Variants in SV2C observed in about 807,000 individuals in gnomAD.
SV2C encodes the protein synaptic vesicle glycoprotein 2C.
Under a neutral mutation model 79.7 loss-of-function variants are expected in SV2C, and 49 were observed. That is an observed-to-expected ratio of 0.61 (90% CI 0.49 to 0.78). The LOEUF (loss-of-function observed/expected upper bound fraction) is 0.78. Among genes scored for constraint, SV2C ranks in the 30% least tolerant of loss-of-function variants. The pLI is 0.00. For missense variants in SV2C, 833 were observed against 912.9 expected (o/e 0.91, Z 1.13); for synonymous variants, 334 against 333.2 (o/e 1.00, Z -0.03).
chr5:75,922,728 G>C, the SV2C span, among the ~76,000 whole-genome samples: 2 of 152,312 alleles, frequency 1.3e-5, no homozygotes, highest in South Asian at 2.1e-4. Flanking sequence ...AGATCACTCA[G>C]AGTGACACTT....
At chr5:76,048,991 G>GA in the SV2C span, among the ~76,000 whole-genome samples, 17 of 80,578 alleles carry the variant, frequency 2.1e-4, no homozygotes, top group African/African-American at 7.4e-4. Flanking sequence ...AAGAAAGAAA[G>GA]AAAGAAAGAA....
At chr5:75,932,205 G>T in the SV2C span, among the ~76,000 whole-genome samples, 1 of 152,154 alleles carries the variant, frequency 6.6e-6, no homozygotes, top group Non-Finnish European at 1.5e-5. Context: ...TCTTCCCGGG[G>T]AGCCCTACAT....
At chr5:76,271,898 C>A (rs929210191) in intron 4 of SV2C, among the ~76,000 whole-genome samples, 1 of 152,224 alleles carries the variant, frequency 6.6e-6, no homozygotes, top group South Asian at 2.1e-4. Context: ...AGTATGATGT[C>A]CCCTTGCTTG....
At chr5:76,023,019 T>C in the SV2C span, among the ~76,000 whole-genome samples, 3 of 152,214 alleles carry the variant, frequency 2.0e-5, no homozygotes, top group Admixed American at 6.5e-5. Flanking sequence ...TCTGCCCCTG[T>C]AGATGTATAT....
At chr5:75,997,290 AT>A in the SV2C span, among the ~76,000 whole-genome samples, 24 of 152,234 alleles carry the variant, frequency 1.6e-4, no homozygotes, top group East Asian at 4.6e-3. Flanking sequence ...CAAGGACTTC[AT>A]GTCTACAACA....
the SV2C span, among the ~76,000 whole-genome samples, chr5:76,060,824 ATG>A: frequency 1.3e-5 from 2 of 152,186 alleles, no homozygotes; most frequent in South Asian, 4.1e-4. Context: ...AGCTTTCAAC[ATG>A]CCTTCCTCAC....
chr5:75,911,098 A>G, the SV2C span: 1 of 1,446,352 alleles, frequency 6.9e-7, no homozygotes, highest in Non-Finnish European at 9.7e-7. Context: ...GGGGGAAGAT[A>G]ATTCTGAGAT....
intron 1 of SV2C, among the ~76,000 whole-genome samples, chr5:76,117,119 T>C (rs1039481996): frequency 4.6e-5 from 7 of 152,192 alleles, no homozygotes; most frequent in Non-Finnish European, 7.3e-5. Context: ...AGTGAGTTGC[T>C]CTCCATGAAT....
At chr5:76,271,616 C>CTTTTTTTTTTTTT (rs34458409) in intron 4 of SV2C, among the ~76,000 whole-genome samples, 132 of 96,058 alleles carry the variant, frequency 1.4e-3, no homozygotes, top group Admixed American at 1.6e-3. Flanking sequence ...AGCATGTGTT[C>CTTTTTTTTTTTTT]TTTTTTTTTT....
chr5:76,001,902 G>T, the SV2C span, among the ~76,000 whole-genome samples: 2 of 152,058 alleles, frequency 1.3e-5, no homozygotes, highest in Non-Finnish European at 2.9e-5. Flanking sequence ...CCCGTCACCT[G>T]AGCAGGGTAC....
At chr5:76,262,517 T>C (rs1187449930) in intron 4 of SV2C, among the ~76,000 whole-genome samples, 2 of 152,196 alleles carry the variant, frequency 1.3e-5, no homozygotes, top group Admixed American at 6.5e-5. Context: ...TTAATTGTGA[T>C]GTTAGGTGTC....
the SV2C span, among the ~76,000 whole-genome samples, chr5:75,962,936 A>T: frequency 6.6e-6 from 1 of 152,196 alleles, no homozygotes; most frequent in Non-Finnish European, 1.5e-5. Context: ...GTACACAACA[A>T]ATGGTTGTGG....
At chr5:76,172,133 C>T (rs1370138468) in intron 2 of SV2C, among the ~76,000 whole-genome samples, 1 of 34,216 alleles carries the variant, frequency 2.9e-5, no homozygotes, top group Non-Finnish European at 4.7e-5. Flanking sequence ...GCCCTCCGCC[C>T]GGCCAGCCGC....
At chr5:76,000,210 C>T in the SV2C span, among the ~76,000 whole-genome samples, 1 of 152,092 alleles carries the variant, frequency 6.6e-6, no homozygotes, top group Non-Finnish European at 1.5e-5. Context: ...GCCTTTGAGA[C>T]ATTTAACTTC....
At chr5:75,873,084 A>G in the SV2C span, among the ~76,000 whole-genome samples, 1 of 152,156 alleles carries the variant, frequency 6.6e-6, no homozygotes, top group African/African-American at 2.4e-5. Flanking sequence ...AAATATCTGT[A>G]CATCAAAATC....
the SV2C span, among the ~76,000 whole-genome samples, chr5:75,969,079 C>T: frequency 4.5e-3 from 681 of 152,142 alleles, 8 homozygotes; most frequent in African/African-American, 0.015. Flanking sequence ...CAAACTAAAC[C>T]TCGTCAGTGA....
chr5:75,906,916 C>A, the SV2C span, among the ~76,000 whole-genome samples: 3 of 152,180 alleles, frequency 2.0e-5, no homozygotes, highest in African/African-American at 4.8e-5. Context: ...TACTACTGAA[C>A]ATCCTAGAAT....
chr5:75,867,379 G>T, the SV2C span, among the ~76,000 whole-genome samples: 1 of 152,204 alleles, frequency 6.6e-6, no homozygotes, highest in Non-Finnish European at 1.5e-5. Context: ...ACAGAGGACA[G>T]TAGGCGGACC....
chr5:76,184,665 G>A (rs1010509062), intron 2 of SV2C, among the ~76,000 whole-genome samples: 1 of 152,174 alleles, frequency 6.6e-6, no homozygotes, highest in African/African-American at 2.4e-5. Flanking sequence ...CAGATCTCAT[G>A]AGAACTCACT....
Sources: allele counts gnomAD v4.1 joint callset (sites outside exome capture counted in the v4.1 genomes callset), GRCh38; gene constraint gnomAD v4.1.1; transcripts MANE v1.5; gene names NCBI Gene and HGNC (gene_info 2026-07-23, HGNC 2026-07-21).